PTPRN2: variants seen among roughly 807,000 people sequenced by gnomAD.
The protein encoded by PTPRN2 is receptor-type tyrosine-protein phosphatase N2.
In PTPRN2, 74 loss-of-function variants were observed where a neutral mutation model predicts 118.8. The ratio of observed to expected loss-of-function variants is 0.62; its 90% confidence interval spans 0.52 to 0.76. The LOEUF is 0.76. Among genes scored for constraint, PTPRN2 ranks in the 30% least tolerant of loss-of-function variants. The pLI is 0.00. For missense variants in PTPRN2, 1,481 were observed against 1,394.4 expected, an observed-to-expected ratio of 1.06 and a Z score of -0.99; for synonymous variants, 641 against 608.0, an observed-to-expected ratio of 1.05 and a Z score of -0.80.
Position 157,805,289 on chromosome 7 carries a change from C to CTGTGTGTG in PTPRN2, c.1788+93376_1788+93383dup, listed in dbSNP as rs57161533. On this transcript the variant is annotated intron_variant, in intron 12 of 22. Transcript: ENST00000389418. ...AAGCATAGAAAAAATATATATACTC[C>CTGTGTGTG]TGTGTGTGTGTGTGTGTGTGTGTGT... Among the ~76,000 whole-genome samples the CTGTGTGTG allele has an allele frequency of 6.2e-3, 929 of 148,774 alleles. 5 individuals carry two copies. Among genetic ancestry groups the CTGTGTGTG allele is most frequent in the Middle Eastern group, 0.017 (5 of 294 alleles).
intron 6 of PTPRN2, among the ~76,000 whole-genome samples, chr7:158,142,834 G>A (rs941131852): frequency 6.6e-6 from 1 of 152,196 alleles, no homozygotes; most frequent in Non-Finnish European, 1.5e-5. Context: ...ACAGTCCCAG[G>A]TCAACGGCAC....
intron 12 of PTPRN2, among the ~76,000 whole-genome samples, chr7:157,875,738 C>CA (rs1563197684): frequency 6.6e-6 from 1 of 151,022 alleles, no homozygotes; most frequent in Admixed American, 6.6e-5. Flanking sequence ...CCCAGGGGGG[C>CA]ACGGGGCTGC....
At chr7:157,931,796 G>T (rs143345340) in intron 11 of PTPRN2, among the ~76,000 whole-genome samples, 1 of 152,244 alleles carries the variant, frequency 6.6e-6, no homozygotes, top group East Asian at 1.9e-4. Context: ...TACGGCTGCC[G>T]TGCAGGGCGG....
At chr7:158,150,457 C>T (rs149061178) in intron 6 of PTPRN2, among the ~76,000 whole-genome samples, 40 of 152,272 alleles carry the variant, frequency 2.6e-4, no homozygotes, top group Middle Eastern at 3.4e-3. Flanking sequence ...CTGGCACTGA[C>T]GCAGCAGGCG....
intron 11 of PTPRN2, among the ~76,000 whole-genome samples, chr7:157,983,670 G>A (rs1423877384): frequency 6.6e-6 from 1 of 152,218 alleles, no homozygotes; most frequent in South Asian, 2.1e-4. Flanking sequence ...AGTAGCGTGT[G>A]TGTGTGCACA....
At chr7:158,377,055 G>A (rs1184176254) in intron 2 of PTPRN2, among the ~76,000 whole-genome samples, 1 of 102,834 alleles carries the variant, frequency 9.7e-6, no homozygotes, top group African/African-American at 4.0e-5. Flanking sequence ...CCTGTCACAC[G>A]TCCTGAGAGG....
In PTPRN2 at chr7:158,184,280, G is replaced by T. The variant is rs182984203; in HGVS notation, c.549+8047C>A. On this transcript the variant is annotated intron_variant, in intron 5 of 22. Coordinates refer to ENST00000389418, the MANE Select transcript of PTPRN2 (RefSeq NM_002847.5). ...TATATCACCATTAATTTGTCTTATT[G>T]TTCTCATCAATGTATTGTAGTTTTC... Among the ~76,000 whole-genome samples, 198 of 152,012 alleles carry T rather than the reference G, an allele frequency of 1.3e-3. 2 individuals carry two copies. The highest frequency in any genetic ancestry group is 1.5e-4 in the Non-Finnish European group (10 of 67,956).
intron 12 of PTPRN2, among the ~76,000 whole-genome samples, chr7:157,844,148 G>C (rs1808633038): frequency 6.6e-6 from 1 of 152,236 alleles, no homozygotes; most frequent in Non-Finnish European, 1.5e-5. Flanking sequence ...TCATGGGTGT[G>C]GAACGCAGGC....
intron 1 of PTPRN2, among the ~76,000 whole-genome samples, chr7:158,554,244 G>A (rs764481004): frequency 5.3e-5 from 8 of 152,218 alleles, no homozygotes; most frequent in Non-Finnish European, 7.3e-5. Context: ...CAGCCTGGGC[G>A]AAAGAGTGAG....
At chr7:158,320,170 TACACACACAGCCTCCCTC>T (rs1563134143) in intron 2 of PTPRN2, among the ~76,000 whole-genome samples, 3,530 of 34,112 alleles carry the variant, frequency 0.1, 220 homozygotes, top group African/African-American at 0.27. Context: ...GCCTCCCTCG[TACACACACAGCCTCCCTC>T]GTACACACAC....
At chr7:157,812,600 T>C (rs1806126417) in intron 12 of PTPRN2, among the ~76,000 whole-genome samples, 2 of 150,988 alleles carry the variant, frequency 1.3e-5, no homozygotes, top group Non-Finnish European at 1.5e-5. Context: ...AGAAACTCTA[T>C]GTCAGCTGAG....
chr7:158,212,611 G>C (rs1827686054), intron 3 of PTPRN2, among the ~76,000 whole-genome samples: 1 of 152,094 alleles, frequency 6.6e-6, no homozygotes, highest in South Asian at 2.1e-4. Flanking sequence ...AGTTTAGTTA[G>C]AAGACAGATT....
intron 1 of PTPRN2, among the ~76,000 whole-genome samples, chr7:158,533,631 T>C (rs1236677030): frequency 6.6e-6 from 1 of 152,204 alleles, no homozygotes; most frequent in Non-Finnish European, 1.5e-5. Context: ...CCCAGCCCTC[T>C]GCATTGCACC....
Position 158,097,660 on chromosome 7 carries a change from G to A in PTPRN2, c.1643+13169C>T, listed in dbSNP as rs539324433. On this transcript the variant is annotated intron_variant, in intron 10 of 22. Transcript: ENST00000389418. ...CCCGAGATTCCGCGGAAGGCGGCCTGGCATCGATCACCGCCGCCGCAGACA... is the reference window on the plus strand; with the variant it reads ...CCCGAGATTCCGCGGAAGGCGGCCTAGCATCGATCACCGCCGCCGCAGACA... Among the ~76,000 whole-genome samples the A allele has an allele frequency of 1.7e-4, 26 of 152,320 alleles. No homozygotes were observed. The South Asian group carries it at 5.2e-3, about 30-fold the overall frequency.
At chr7:158,394,381 G>A (rs1367935481) in intron 2 of PTPRN2, among the ~76,000 whole-genome samples, 1 of 152,188 alleles carries the variant, frequency 6.6e-6, no homozygotes, top group Admixed American at 6.6e-5. Flanking sequence ...GGAGGCCACG[G>A]AAGTGTGAGA....
intron 2 of PTPRN2, among the ~76,000 whole-genome samples, chr7:158,327,385 G>A (rs1029909276): frequency 1.4e-5 from 2 of 141,934 alleles, no homozygotes; most frequent in African/African-American, 5.3e-5. Flanking sequence ...ATTATCACAT[G>A]CACACACATG....
At position 157,627,729 on chromosome 7, in the gene PTPRN2, T is replaced by C. The variant is rs1803671500; in HGVS notation, c.2197-6220A>G. On this transcript the variant is annotated intron_variant, in intron 14 of 22. Transcript: ENST00000389418. The surrounding 1 kb of genome is among the most constrained non-coding windows in gnomAD (Gnocchi z 4.2). Reference sequence around the variant, plus strand: ...TGAGGGCCTAGACATGATGTGCTTGTGGAAGAGTGAATTCCTAGATCAAAC... The same window carrying C: ...TGAGGGCCTAGACATGATGTGCTTGCGGAAGAGTGAATTCCTAGATCAAAC... Among the ~76,000 whole-genome samples, 1 of 152,166 alleles carries C rather than the reference T, an allele frequency of 6.6e-6. No individual in the cohort carries two copies. The highest frequency in any genetic ancestry group is 6.5e-5 in the Admixed American group (1 of 15,282).
At chr7:158,451,715 G>A (rs73178254) in intron 2 of PTPRN2, among the ~76,000 whole-genome samples, 198 of 152,228 alleles carry the variant, frequency 1.3e-3, no homozygotes, top group Middle Eastern at 3.4e-3. Flanking sequence ...GAATCATTGC[G>A]CATTTGGTTC....
chr7:158,027,858 G>A (rs1807394161), intron 11 of PTPRN2: 1 of 152,210 alleles, frequency 6.6e-6, no homozygotes, highest in South Asian at 2.1e-4. Context: ...GGCCACCGAG[G>A]GAGAATCGCA....
Sources: allele counts gnomAD v4.1 joint callset (sites outside exome capture counted in the v4.1 genomes callset), GRCh38; gene constraint gnomAD v4.1.1; non-coding constraint Gnocchi (gnomAD v3.1); transcripts MANE v1.5; gene names NCBI Gene and HGNC (gene_info 2026-07-23, HGNC 2026-07-21).